The following BSG variants were observed in gnomAD, a reference collection of about 807,000 sequenced individuals.
The protein encoded by BSG is basigin.
In BSG, 37 loss-of-function variants were observed where a neutral mutation model predicts 43.1. The ratio of observed to expected loss-of-function variants is 0.86; its 90% CI spans 0.66 to 1.13. BSG has a LOEUF of 1.13. Ranked by LOEUF, BSG falls within the 50% of genes most tolerant of loss-of-function variation. BSG has a pLI of 0.00. For missense variants in BSG, 599 were observed against 554.2 expected (o/e 1.08, Z -0.81); for synonymous variants, 309 against 238.7 (o/e 1.29, Z -2.72).
chr19:571,291 C>T, upstream of BSG: 3 of 570,332 alleles, frequency 5.3e-6, no homozygotes, highest in South Asian at 4.2e-5. Flanking sequence ...CCAGTGTAGC[C>T]ACATTCCTGC....
chr19:574,528 G>C (rs995700706), intron 1 of BSG, among the ~76,000 whole-genome samples: 1 of 152,070 alleles, frequency 6.6e-6, no homozygotes, highest in African/African-American at 2.4e-5. Flanking sequence ...ACTCCAGCCT[G>C]GGCGACAGAG....
intron 7 of BSG, 77 bp downstream of exon 7, chr19:582,407 C>G: frequency 1.3e-6 from 2 of 1,598,016 alleles, no homozygotes; most frequent in Non-Finnish European, 1.7e-6. Context: ...AAAGGCAGAG[C>G]CCCTGGGCTT....
At position 578,093 on chromosome 19, in the gene BSG, C is replaced by G; in HGVS notation, c.387C>G (p.Arg129=). 6.3e-7 allele frequency: 1 copy of G among 1,593,616 alleles called. No homozygotes were observed. The highest frequency in any genetic ancestry group is 8.6e-7 in the Non-Finnish European group (1 of 1,167,576). ...LTRAPRVKWV[R]AQAVVLVLEP... ...GGGCGCCCAGGGTCAAGTGGGTCCG[C>G]GCCCAGGCAGTCGTGCTAGTCCTGG... The change falls in exon 2 of 9, where the codon CGC becomes CGG. Residue 129 remains arginine (R), a synonymous_variant. Transcript: ENST00000333511.
In BSG at chr19:572,709, GC is replaced by G; in HGVS notation, c.67+9del. The G allele has an allele frequency of 6.8e-7, 1 of 1,471,482 alleles. No homozygotes were observed. The highest frequency in any genetic ancestry group is 2.9e-5 in the East Asian group (1 of 33,968). 91.2% of individuals were successfully genotyped at this position (1,471,482 alleles called of 1,614,324 possible). Reference sequence around the variant, plus strand: ...ACGGAGCCTCCGGGGCTGGTGAGGAGCGGGTAGGGGGCGGGGGTGCGGTCCT... The same window carrying G: ...ACGGAGCCTCCGGGGCTGGTGAGGAGGGGTAGGGGGCGGGGGTGCGGTCCT... On this transcript the variant is annotated intron_variant, in intron 1 of 8. Transcript: ENST00000333511.
chr19:578,812 C>T (rs1982013165), intron 2 of BSG: 1 of 350,014 alleles, frequency 2.9e-6, no homozygotes, highest in Admixed American at 3.8e-5. Context: ...CTCACTGCAA[C>T]TTCCGCCTCC....
intron 3 of BSG, 85 bp from the exon 4 acceptor site, chr19:580,294 C>G: frequency 7.9e-7 from 1 of 1,262,820 alleles, no homozygotes; most frequent in Non-Finnish European, 1.1e-6. Context: ...TTCACTGTGC[C>G]GTGGTTGGGC....
upstream of BSG, chr19:571,605 GAATGGGATCCA>G: frequency 1.3e-6 from 1 of 779,576 alleles, no homozygotes; most frequent in South Asian, 1.3e-5. Context: ...TCCTGAAACA[GAATGGGATCCA>G]AATGGGATAT....
chr19:579,257 GCCTTCCC>G, intron 2 of BSG: 1 of 471,716 alleles, frequency 2.1e-6, no homozygotes, highest in South Asian at 2.8e-5. Context: ...AGCGAAGGGT[GCCTTCCC>G]GAAGGGGGTG....
Position 579,591 on chromosome 19 carries a change from C to G in BSG, c.507C>G (p.His169Gln), listed in dbSNP as rs1456795116. 6.2e-7 allele frequency: 1 copy of G among 1,612,646 alleles called. No homozygotes were observed. The highest frequency in any genetic ancestry group is 1.7e-5 in the Admixed American group (1 of 60,006). Residue 169 changes from histidine to glutamine, a missense_variant, in exon 3 of 9, where the codon CAC becomes CAG. His to Gln is a conservative substitution (Grantham distance 24). Coordinates refer to ENST00000333511, the MANE Select transcript of BSG (RefSeq NM_001728.4). ...LNDSATEVTG[H>Q]RWLKGGVVLK... ...ACAGCGCCACAGAGGTCACAGGGCA[C>G]CGCTGGCTGAAGGGGGGCGTGGTGC...
intron 1 of BSG, among the ~76,000 whole-genome samples, chr19:576,854 T>G (rs951428347): frequency 1.3e-5 from 2 of 152,156 alleles, no homozygotes; most frequent in African/African-American, 4.8e-5. Flanking sequence ...AACATTCCTG[T>G]CCCCGTGGCC....
At chr19:579,145 G>A (rs535528658) in intron 2 of BSG, 1 of 477,846 alleles carries the variant, frequency 2.1e-6, no homozygotes, top group Non-Finnish European at 4.1e-6. Flanking sequence ...TGCCTTGTCT[G>A]TCCCCACACC....
At position 572,770 on chromosome 19, in the gene BSG, C is replaced by G. The variant is rs548806089; in HGVS notation, c.67+69C>G. On this transcript the variant is annotated intron_variant, in intron 1 of 8. Coordinates refer to ENST00000333511, the MANE Select transcript of BSG (RefSeq NM_001728.4). ...GGGAATGGAGGCCGCGGTGCCGACC[C>G]GAAGCCGACGGGAGCCTGGGGCCTC... 69 of 1,324,746 alleles carry G rather than the reference C, an allele frequency of 5.2e-5. No homozygotes were observed. In the South Asian group the frequency reaches 1.1e-3, roughly 21 times the overall value. 82.1% of individuals were successfully genotyped at this position (1,324,746 alleles called of 1,614,324 possible). A position where few individuals can be genotyped will look rare whatever the true frequency, so the allele number is the denominator to read the frequency against.
At chr19:574,489 C>T (rs573096234) in intron 1 of BSG, among the ~76,000 whole-genome samples, 9 of 151,068 alleles carry the variant, frequency 6.0e-5, no homozygotes. Context: ...GGAGGCGGAG[C>T]TTGCAGTGAG....
intron 2 of BSG, chr19:578,723 G>A (rs1377768248): frequency 1.0e-5 from 3 of 291,936 alleles, no homozygotes; most frequent in East Asian, 1.1e-4. Context: ...TTGGCCGGGG[G>A]TGCTGTGGCT....
At chr19:574,655 C>T (rs1981606605) in intron 1 of BSG, among the ~76,000 whole-genome samples, 2 of 152,228 alleles carry the variant, frequency 1.3e-5, no homozygotes, top group Non-Finnish European at 2.9e-5. Flanking sequence ...GGGCTTCGAG[C>T]CTCTGTCCTG....
At position 572,655 on chromosome 19, in the gene BSG, G is replaced by A; in HGVS notation, c.21G>A (p.Val7=). MAAALF[V]LLGFALLGTH... ...GAATCATGGCGGCTGCGCTGTTCGT[G>A]CTGCTGGGATTCGCGCTGCTGGGCA... Residue 7 remains valine (V), a synonymous_variant, in exon 1 of 9, where the codon GTG becomes GTA. Coordinates refer to ENST00000333511, the MANE Select transcript of BSG (RefSeq NM_001728.4). The A allele has an allele frequency of 6.6e-7, 1 of 1,507,382 alleles. No individual in the cohort carries two copies. Among genetic ancestry groups the A allele is most frequent in the South Asian group, 1.3e-5 (1 of 79,638 alleles). 93.4% of individuals were successfully genotyped at this position (1,507,382 alleles called of 1,614,324 possible). A position where few individuals can be genotyped will look rare whatever the true frequency, so the allele number is the denominator to read the frequency against.
At chr19:572,809 C>A in intron 1 of BSG, 108 bp downstream of exon 1, 1 of 1,244,566 alleles carries the variant, frequency 8.0e-7, no homozygotes, top group Non-Finnish European at 1.0e-6. Context: ...GCGGGGCGGC[C>A]TGGGGTGCGA....
intron 8 of BSG, 57 bp from the exon 9 acceptor site, chr19:582,692 TC>T (rs1982439927): frequency 3.2e-6 from 4 of 1,246,474 alleles, no homozygotes; most frequent in Non-Finnish European, 4.5e-6. Flanking sequence ...GGCTCCTGGG[TC>T]CCGCCTGTGG....
upstream of BSG, chr19:571,673 A>ATT: frequency 1.3e-6 from 1 of 754,062 alleles, no homozygotes; most frequent in South Asian, 1.4e-5. Context: ...GCACTTAGAA[A>ATT]ATTTCTCAGC....
Sources: allele counts gnomAD v4.1 joint callset (sites outside exome capture counted in the v4.1 genomes callset), GRCh38; gene constraint gnomAD v4.1.1; transcripts MANE v1.5; gene names NCBI Gene and HGNC (gene_info 2026-07-23, HGNC 2026-07-21).